The following CAMTA2 variants were observed in gnomAD, a reference collection of about 807,000 sequenced individuals.
CAMTA2 encodes the protein calmodulin binding transcription activator 2.
Under a neutral mutation model 135.7 loss-of-function variants are expected in CAMTA2, and 56 were observed. The ratio of observed to expected loss-of-function variants is 0.41; its 90% CI spans 0.33 to 0.52. CAMTA2 has a LOEUF of 0.52. Ranked by LOEUF, CAMTA2 falls within the 20% of genes least tolerant of loss-of-function variation. The pLI is 0.16. For missense variants in CAMTA2, 1,358 were observed against 1,553.4 expected (o/e 0.87, Z 2.11); for synonymous variants, 591 against 604.6 (o/e 0.98, Z 0.33).
At chr17:4,971,788 A>G (rs990613579) in intron 16 of CAMTA2, among the ~76,000 whole-genome samples, 2 of 147,524 alleles carry the variant, frequency 1.4e-5, no homozygotes, top group Non-Finnish European at 3.0e-5. Flanking sequence ...TCCTGGGTTC[A>G]AGTGATTCTT....
At chr17:4,973,882 A>C in intron 12 of CAMTA2, 113 bp from the exon 13 acceptor site, 14 of 818,664 alleles carry the variant, frequency 1.7e-5, no homozygotes, top group East Asian at 2.7e-5. Flanking sequence ...CCCTCCCCAC[A>C]TGTCCCACTC....
chr17:4,986,815 G>A, intron 1 of CAMTA2: 1 of 674,784 alleles, frequency 1.5e-6, no homozygotes. Flanking sequence ...CCTCCAGGTT[G>A]GTTAGGACCT....
Position 4,973,232 on chromosome 17 carries a change from C to G in CAMTA2, c.2223G>C (p.Leu741Phe). ...SQWRSVETGS[L>F]DLEQEVDPLN... ...GCGGGTCAACCTCCTGCTCTAAGTC[C>G]AAGCTTCCAGTCTCCACACTCCTGG... The change falls in exon 14 of 23, where the codon TTG (leucine) becomes TTC (phenylalanine). Residue 741 changes from leucine to phenylalanine, a missense_variant. Physicochemically the swap from Leu to Phe is conservative, Grantham distance 22. Transcript: ENST00000348066. 5 of 1,613,984 alleles carry G rather than the reference C, an allele frequency of 3.1e-6. No homozygotes were observed. Among genetic ancestry groups the G allele is most frequent in the Non-Finnish European group, 4.2e-6 (5 of 1,179,850 alleles).
intron 11 of CAMTA2, among the ~76,000 whole-genome samples, chr17:4,975,825 G>A (rs962032173): frequency 6.6e-5 from 10 of 152,148 alleles, no homozygotes; most frequent in Non-Finnish European, 1.3e-4. Context: ...AAAGCAGCAG[G>A]TGCAGACAGA....
At position 4,977,077 on chromosome 17, in the gene CAMTA2, A is replaced by C. The variant is rs1339564746; in HGVS notation, c.1881T>G (p.Leu627=). 1.2e-6 allele frequency: 2 copies of C among 1,614,068 alleles called. No homozygotes were observed. Among genetic ancestry groups the C allele is most frequent in the East Asian group, 4.5e-5 (2 of 44,894 alleles). Residue 627 remains leucine (L), a synonymous_variant, in exon 11 of 23, where the codon CTT becomes CTG. Transcript: ENST00000348066. ...RRFLSLPSTQ[L]DWLSLDDNQF... is the part of the protein sequence containing the mutation. ...ACTCACCGTCCAGTGACAGCCAGTCAAGTTGAGTACTAGGCAGAGACAGGA... is the reference window on the plus strand; with the variant it reads ...ACTCACCGTCCAGTGACAGCCAGTCCAGTTGAGTACTAGGCAGAGACAGGA...
At position 4,980,628 on chromosome 17, in the gene CAMTA2, T is replaced by C. The variant is rs1194906080; in HGVS notation, c.701-7A>G. ...TGGGTAAGGCTCCCAGAACCTGGAG[T>C]GGAGAGGAGTAGGAGGGAGAGGAGA... On this transcript the variant is annotated splice_polypyrimidine_tract_variant and splice_region_variant and intron_variant, in intron 8 of 22. Transcript: ENST00000348066. This position sits in a 1 kb window ranked among gnomAD's most constrained non-coding sequence, Gnocchi z 5.3. 6.2e-7 allele frequency: 1 copy of C among 1,610,286 alleles called. No individual in the cohort carries two copies. The highest frequency in any genetic ancestry group is 2.2e-5 in the East Asian group (1 of 44,836).
rs771061578 is a variant in CAMTA2 at position 4,972,823 on chromosome 17, GCTC to G, written c.2446_2448del (p.Glu816del). 145 of 1,613,748 alleles carry G rather than the reference GCTC, an allele frequency of 9.0e-5. No individual in the cohort carries two copies. Among genetic ancestry groups the G allele is most frequent in the Non-Finnish European group, 1.2e-4 (140 of 1,180,040 alleles). ...AGGGCAAATGGGGGCTCCACCGAAGGCTCCTGTCTCTGTAGTTCCTCAAGGCAG... is the reference window on the plus strand; with the variant it reads ...AGGGCAAATGGGGGCTCCACCGAAGGCTGTCTCTGTAGTTCCTCAAGGCAG... On this transcript the variant is annotated inframe_deletion, in exon 15 of 23. Coordinates refer to ENST00000348066, the MANE Select transcript of CAMTA2 (RefSeq NM_015099.4).
chr17:4,984,585 T>C (rs575417463), intron 3 of CAMTA2, among the ~76,000 whole-genome samples: 1 of 152,336 alleles, frequency 6.6e-6, no homozygotes, highest in Non-Finnish European at 1.5e-5. Flanking sequence ...CGCATCGTTT[T>C]ACTGACAGTC....
chr17:4,983,261 T>G lies in CAMTA2; in HGVS notation c.136-218A>C, dbSNP rs368432918. On this transcript the variant is annotated intron_variant, in intron 3 of 22. Transcript: ENST00000348066. ...CATTTTTTTGTGAATTATTTTACTC[T>G]CCAAAAATCTCATTCCTGTGCCCCT... 118 of 518,080 alleles carry G rather than the reference T, an allele frequency of 2.3e-4. 2 individuals carry two copies. In the South Asian group the frequency reaches 2.6e-3, roughly 12 times the overall value. 32.1% of individuals were successfully genotyped at this position (518,080 alleles called of 1,614,324 possible). A position where few individuals can be genotyped will look rare whatever the true frequency, so the allele number is the denominator to read the frequency against.
chr17:4,969,539 G>GA lies in CAMTA2; in HGVS notation c.3262-20dup, dbSNP rs1056871974. On this transcript the variant is annotated intron_variant, in intron 19 of 22. Transcript: ENST00000348066. The surrounding 1 kb of genome is among the most constrained non-coding windows in gnomAD (Gnocchi z 5.6). Reference sequence around the variant, plus strand: ...AGGTCAGCTTGTGGAGAGAGAAGGGGAGTTAGGGCTCTGGCAACATTCTGG... The same window carrying GA: ...AGGTCAGCTTGTGGAGAGAGAAGGGGAAGTTAGGGCTCTGGCAACATTCTGG... 1 of 1,614,028 alleles carries GA rather than the reference G, an allele frequency of 6.2e-7. No individual in the cohort carries two copies. Among genetic ancestry groups the GA allele is most frequent in the African/African-American group, 1.3e-5 (1 of 74,898 alleles).
intron 3 of CAMTA2, among the ~76,000 whole-genome samples, chr17:4,984,436 C>T (rs1973144428): frequency 1.3e-5 from 2 of 152,182 alleles, no homozygotes; most frequent in Admixed American, 1.3e-4. Flanking sequence ...GTACCATGTG[C>T]ACACCTCTCC....
intron 13 of CAMTA2, 53 bp downstream of exon 13, chr17:4,973,530 CCT>C (rs1407651313): frequency 3.3e-6 from 5 of 1,534,696 alleles, no homozygotes; most frequent in Admixed American, 1.9e-5. Flanking sequence ...TCTTCAGTCC[CCT>C]GACACTTCTG....
At chr17:4,987,279 G>C (rs1194983290) in intron 1 of CAMTA2, 1 of 1,343,386 alleles carries the variant, frequency 7.4e-7, no homozygotes, top group Non-Finnish European at 9.5e-7. Context: ...CCTCCGAGGT[G>C]GGAGGGTCCC....
chr17:4,969,396 T>C lies in CAMTA2; in HGVS notation c.3283-59A>G. ...ATAGAGGGACGGAGACCCAAAGCCC[T>C]GAGGCTCACCCAAGTTAGGCTGATG... On this transcript the variant is annotated intron_variant, in intron 20 of 22. Coordinates refer to ENST00000348066, the MANE Select transcript of CAMTA2 (RefSeq NM_015099.4). The surrounding 1 kb of genome is among the most constrained non-coding windows in gnomAD (Gnocchi z 5.6). 6.2e-7 allele frequency: 1 copy of C among 1,609,042 alleles called. No homozygotes were observed.
intron 15 of CAMTA2, 81 bp downstream of exon 15, chr17:4,972,688 C>T (rs373453707): frequency 6.3e-5 from 92 of 1,469,212 alleles, no homozygotes; most frequent in Admixed American, 5.9e-4. Context: ...CTCTCTTACT[C>T]GTTTCCCACA....
At chr17:4,970,693 C>T (rs1972229760) in intron 16 of CAMTA2, among the ~76,000 whole-genome samples, 157 bp from the exon 17 acceptor site, 1 of 152,190 alleles carries the variant, frequency 6.6e-6, no homozygotes. Flanking sequence ...ACTGATGGGG[C>T]TCCCACTTGG....
rs774395880 is a variant in CAMTA2 at position 4,974,513 on chromosome 17, G to T, written c.1901-13C>A. Reference sequence around the variant, plus strand: ...CGGAACTGGTTGTCTGAGGGGGAACGGGTATGGGAGGCTGAGTGGGCAGTC... The same window carrying T: ...CGGAACTGGTTGTCTGAGGGGGAACTGGTATGGGAGGCTGAGTGGGCAGTC... On this transcript the variant is annotated splice_polypyrimidine_tract_variant and intron_variant, in intron 11 of 22. Coordinates refer to ENST00000348066, the MANE Select transcript of CAMTA2 (RefSeq NM_015099.4). The T allele has an allele frequency of 3.2e-6, 5 of 1,558,348 alleles. No homozygotes were observed.
chr17:4,973,554 G>A (rs1019148035), intron 13 of CAMTA2, 31 bp downstream of exon 13: 3 of 1,588,488 alleles, frequency 1.9e-6, no homozygotes, highest in Non-Finnish European at 2.6e-6. Context: ...CCCAGAGGCT[G>A]CCCAGCCCTC....
chr17:4,981,334 C>T lies in CAMTA2; in HGVS notation c.591G>A (p.Gly197=). The part of the protein sequence containing the change: ...PMFHGIKWSC[G]NGTEEFSVEH... ...CTACAGAGAACTCTTCTGTTCCATT[C>T]CCGCAGCTCCACTTGATGCCATGAA... The change falls in exon 8 of 23, where the codon GGG becomes GGA. Residue 197 remains glycine, a synonymous_variant. Transcript: ENST00000348066. 2 of 1,614,078 alleles carry T rather than the reference C, an allele frequency of 1.2e-6. No individual in the cohort carries two copies. Among genetic ancestry groups the T allele is most frequent in the Non-Finnish European group, 1.7e-6 (2 of 1,179,960 alleles).
Sources: gnomAD v4.1 joint callset for allele counts (sites outside exome capture counted in the v4.1 genomes callset) on GRCh38, gnomAD v4.1.1 for gene constraint, Gnocchi (gnomAD v3.1) non-coding constraint, MANE v1.5 for transcripts, NCBI Gene and HGNC (gene_info 2026-07-23, HGNC 2026-07-21) for gene names.